The following NMT1 variants were observed in gnomAD, a reference collection of about 807,000 sequenced individuals.
NMT1 encodes the protein N-myristoyltransferase 1.
A neutral mutation model predicts 63.4 loss-of-function variants in NMT1; 12 were observed. That is an observed-to-expected ratio of 0.19 (90% CI 0.12 to 0.31). NMT1 has a LOEUF of 0.31. NMT1 is among the 10% of genes least tolerant of loss of function. The pLI, the probability that NMT1 is intolerant of heterozygous loss-of-function variation, is 1.00. For missense variants in NMT1, 432 were observed against 634.6 expected, an observed-to-expected ratio of 0.68 and a Z score of 3.43; for synonymous variants, 228 against 234.3, an observed-to-expected ratio of 0.97 and a Z score of 0.25.
In NMT1 at chr17:45,072,705, G is replaced by T. The variant is rs1214775440; in HGVS notation, c.132-8939G>T. ...CTCCCGAGTAGCTGGGACTACAGGC[G>T]CCCGCCACGATGCCTGCCTAATTTT... On this transcript the variant is annotated intron_variant, in intron 1 of 11. Coordinates refer to ENST00000258960, the MANE Select transcript of NMT1 (RefSeq NM_021079.5). Among the ~76,000 whole-genome samples, 3 of 151,632 alleles carry T rather than the reference G, an allele frequency of 2.0e-5. No homozygotes were observed. The East Asian group carries it at 5.9e-4, about 30-fold the overall frequency.
chr17:45,061,643 T>C, intron 1 of NMT1, 183 bp downstream of exon 1: 1 of 578,286 alleles, frequency 1.7e-6, no homozygotes, highest in Non-Finnish European at 3.1e-6. Flanking sequence ...GTGCTCTGGA[T>C]ATTAAGGGCC....
In NMT1 at chr17:45,107,334, A is replaced by G. The variant is rs1390032565; in HGVS notation, c.*1695A>G. The G allele has an allele frequency of 2.0e-5, 3 of 152,406 alleles. No individual in the cohort carries two copies. The highest frequency in any genetic ancestry group is 4.4e-5 in the Non-Finnish European group (3 of 67,974). 9.4% of individuals were successfully genotyped at this position (152,406 alleles called of 1,614,324 possible). A position where few individuals can be genotyped will look rare whatever the true frequency, so the allele number is the denominator to read the frequency against. On this transcript the variant is annotated 3_prime_UTR_variant, in exon 12 of 12. Transcript: ENST00000258960. ...CTGCAGACTGCTGCTAGAGCCAGCAACTCCACTAAGGTGGATTTTCATCAG... is the reference window on the plus strand; with the variant it reads ...CTGCAGACTGCTGCTAGAGCCAGCAGCTCCACTAAGGTGGATTTTCATCAG...
At position 45,103,005 on chromosome 17, in the gene NMT1, C is replaced by T. The variant is rs754671896; in HGVS notation, c.1048C>T (p.His350Tyr). 3.1e-6 allele frequency: 5 copies of T among 1,613,954 alleles called. No homozygotes were observed. The highest frequency in any genetic ancestry group is 4.2e-6 in the Non-Finnish European group (5 of 1,179,958). Residue 350 changes from histidine (H) to tyrosine (Y), a missense_variant, in exon 9 of 12, where the codon CAC becomes TAC. Physicochemically the swap from His to Tyr is moderately conservative, Grantham distance 83. Transcript: ENST00000258960. The surrounding 1 kb of genome is among the most constrained non-coding windows in gnomAD (Gnocchi z 4.8). ...PMETKDIPVV[H>Y]QLLTRYLKQF... Reference sequence around the variant, plus strand: ...GGAAACAAAGGACATTCCAGTAGTGCACCAGCTCCTCACCAGGTACTTGAA... The same window carrying T: ...GGAAACAAAGGACATTCCAGTAGTGTACCAGCTCCTCACCAGGTACTTGAA...
Position 45,103,097 on chromosome 17 carries a change from TATC to T in NMT1, c.1144_1146del (p.Ile382del). ...AGCACTGGTTCTACCCCCAGGAGAATATCATCGACACTTTCGTGGTGGAGGTGA... is the reference window on the plus strand; with the variant it reads ...AGCACTGGTTCTACCCCCAGGAGAATATCGACACTTTCGTGGTGGAGGTGA... On this transcript the variant is annotated inframe_deletion, in exon 9 of 12. Coordinates refer to ENST00000258960, the MANE Select transcript of NMT1 (RefSeq NM_021079.5). This position sits in a 1 kb window ranked among gnomAD's most constrained non-coding sequence, Gnocchi z 4.8. The T allele has an allele frequency of 6.2e-7, 1 of 1,611,216 alleles. No individual in the cohort carries two copies. Among genetic ancestry groups the T allele is most frequent in the Non-Finnish European group, 8.5e-7 (1 of 1,177,616 alleles).
chr17:45,083,077 G>A (rs895491973), intron 2 of NMT1, among the ~76,000 whole-genome samples: 20 of 151,680 alleles, frequency 1.3e-4, no homozygotes, highest in Admixed American at 1.3e-3. Context: ...AGCACTTTGG[G>A]AGGCCAAGGC....
At chr17:45,063,271 G>T (rs1166124799) in intron 1 of NMT1, among the ~76,000 whole-genome samples, 1 of 149,918 alleles carries the variant, frequency 6.7e-6, no homozygotes, top group Non-Finnish European at 1.5e-5. Context: ...GCCAAATTTA[G>T]TTTTTATAAG....
chr17:45,084,872 T>G (rs2054042077), intron 2 of NMT1, among the ~76,000 whole-genome samples: 1 of 152,134 alleles, frequency 6.6e-6, no homozygotes, highest in African/African-American at 2.4e-5. Context: ...ATAAATCATT[T>G]CAAAAGTGCA....
chr17:45,104,794 G>C lies in NMT1; in HGVS notation c.1333-65G>C. 1 of 1,596,712 alleles carries C rather than the reference G, an allele frequency of 6.3e-7. No homozygotes were observed. The highest frequency in any genetic ancestry group is 8.6e-7 in the Non-Finnish European group (1 of 1,167,806). On this transcript the variant is annotated intron_variant, in intron 10 of 11. Transcript: ENST00000258960. This position sits in a 1 kb window ranked among gnomAD's most constrained non-coding sequence, Gnocchi z 4.2. ...AGGACAGCTTTGAAATGGCAGCAAA[G>C]GGGTAGGAAGGAGGCTGTCCCCACC...
At chr17:45,062,648 A>G (rs1224574210) in intron 1 of NMT1, among the ~76,000 whole-genome samples, 3 of 152,226 alleles carry the variant, frequency 2.0e-5, no homozygotes, top group East Asian at 1.9e-4. Context: ...ACTCAGTAAC[A>G]TGCAGCAGCC....
rs952185750 is a variant in NMT1 at position 45,086,658 on chromosome 17, T to C, written c.385+6T>C. On this transcript the variant is annotated splice_donor_region_variant and intron_variant, in intron 3 of 11. Coordinates refer to ENST00000258960, the MANE Select transcript of NMT1 (RefSeq NM_021079.5). ...GCAGCCCGTCCCCAAGCTGGGTATG[T>C]ACATGCTTGCTTTCTTTGCCAGGTC... 2 of 1,601,786 alleles carry C rather than the reference T, an allele frequency of 1.2e-6. No individual in the cohort carries two copies. Among genetic ancestry groups the C allele is most frequent in the Non-Finnish European group, 1.7e-6 (2 of 1,175,140 alleles).
chr17:45,097,664 TTTC>T (rs1415005633), intron 6 of NMT1, among the ~76,000 whole-genome samples: 2 of 152,038 alleles, frequency 1.3e-5, no homozygotes, highest in African/African-American at 4.8e-5. Context: ...GCCAGAGGCT[TTTC>T]TTAGTCTCAC....
chr17:45,071,268 T>G (rs2053937572), intron 1 of NMT1, among the ~76,000 whole-genome samples: 3 of 152,228 alleles, frequency 2.0e-5, no homozygotes, highest in Non-Finnish European at 1.5e-5. Flanking sequence ...AAGGTTTCAC[T>G]CTGTCACCCA....
chr17:45,084,772 C>T lies in NMT1; in HGVS notation c.241-1736C>T, dbSNP rs145241897. Among the ~76,000 whole-genome samples the T allele has an allele frequency of 8.2e-3, 1,239 of 151,974 alleles. 12 individuals are homozygous for T. Among genetic ancestry groups the T allele is most frequent in the East Asian group, 0.028 (147 of 5,164 alleles). On this transcript the variant is annotated intron_variant, in intron 2 of 11. Coordinates refer to ENST00000258960, the MANE Select transcript of NMT1 (RefSeq NM_021079.5). ...TGTGAGCCACCAAGCTCAGCTGAGG[C>T]TTGGTAAATCTAATGGTGAGGGTCA... is the stretch of plus-strand genomic sequence containing the variant.
chr17:45,067,549 A>G (rs1213795054), intron 1 of NMT1, among the ~76,000 whole-genome samples: 1 of 152,218 alleles, frequency 6.6e-6, no homozygotes, highest in East Asian at 1.9e-4. Context: ...CCATAAAGCT[A>G]GCCTTACTTG....
chr17:45,094,885 T>C (rs1241981429), intron 4 of NMT1, among the ~76,000 whole-genome samples: 2 of 149,544 alleles, frequency 1.3e-5, no homozygotes, highest in African/African-American at 5.0e-5. Flanking sequence ...CGATCTTGGC[T>C]TACCCCAACC....
Position 45,083,392 on chromosome 17 carries a change from A to G in NMT1, c.240+1640A>G, listed in dbSNP as rs577280369. Among the ~76,000 whole-genome samples the G allele has an allele frequency of 2.0e-5, 3 of 152,218 alleles. No homozygotes were observed. The South Asian group carries it at 6.2e-4, about 32-fold the overall frequency. On this transcript the variant is annotated intron_variant, in intron 2 of 11. Coordinates refer to ENST00000258960, the MANE Select transcript of NMT1 (RefSeq NM_021079.5). ...GAAACAGTTTATAAGCCTCGCAAAA[A>G]TCCATATTCATTCCAATATACCCAC... is the stretch of plus-strand genomic sequence containing the variant.
chr17:45,068,492 A>C (rs991832801), intron 1 of NMT1, among the ~76,000 whole-genome samples: 1 of 152,074 alleles, frequency 6.6e-6, no homozygotes, highest in Non-Finnish European at 1.5e-5. Context: ...ACAGAACAAC[A>C]ACTTTCTAGA....
intron 8 of NMT1, among the ~76,000 whole-genome samples, chr17:45,100,091 C>CT (rs900098144): frequency 9.1e-4 from 136 of 148,738 alleles, no homozygotes; most frequent in African/African-American, 9.1e-4. Context: ...GGTAGGGATT[C>CT]TTTTTTTTTT....
chr17:45,089,340 C>CTTAT (rs930836288), intron 3 of NMT1, among the ~76,000 whole-genome samples: 18 of 152,090 alleles, frequency 1.2e-4, no homozygotes, highest in Non-Finnish European at 1.8e-4. Context: ...ACAAGTCTCT[C>CTTAT]TGATTTATTT....
Sources: allele counts gnomAD v4.1 joint callset (sites outside exome capture counted in the v4.1 genomes callset), GRCh38; gene constraint gnomAD v4.1.1; non-coding constraint Gnocchi (gnomAD v3.1); transcripts MANE v1.5; gene names NCBI Gene and HGNC (gene_info 2026-07-23, HGNC 2026-07-21).